The following ST8SIA1 variants were observed in gnomAD, a reference collection of about 807,000 sequenced individuals.
The protein encoded by ST8SIA1 is alpha-N-acetylneuraminide alpha-2,8-sialyltransferase.
ST8SIA1 carries 16 observed loss-of-function variants against 35.9 expected under a neutral mutation model. That is an observed-to-expected ratio of 0.45 (90% CI 0.30 to 0.68). The LOEUF (loss-of-function observed/expected upper bound fraction) is 0.68, where lower values mean the gene tolerates loss of function less well. Ranked by LOEUF, ST8SIA1 falls within the 30% of genes least tolerant of loss-of-function variation. The pLI is 0.09. For synonymous variants in ST8SIA1, 170 were observed against 169.6 expected (o/e 1.00, Z -0.02); for missense variants, 383 against 453.6 (o/e 0.84, Z 1.41).
chr12:22,269,724 A>C (rs1865889547), intron 2 of ST8SIA1, among the ~76,000 whole-genome samples: 1 of 152,204 alleles, frequency 6.6e-6, no homozygotes, highest in South Asian at 2.1e-4. Context: ...TTATATGGAC[A>C]ATAAAGTTTG....
At chr12:22,230,019 A>G (rs1865400107) in intron 4 of ST8SIA1, among the ~76,000 whole-genome samples, 1 of 152,224 alleles carries the variant, frequency 6.6e-6, no homozygotes, top group East Asian at 1.9e-4. Flanking sequence ...GAGATCAAGT[A>G]ATGTAAGTAC....
rs552198870 is a variant in ST8SIA1, at chr12:22,199,326, A to G, written c.*2226T>C. On this transcript the variant is annotated 3_prime_UTR_variant, in exon 5 of 5. Coordinates refer to ENST00000396037, the MANE Select transcript of ST8SIA1 (RefSeq NM_003034.4). ...GGGCTCTATGGAGCTCATTAATTACATTTTAACAATTAAAGTACTAATCTG... is the reference window on the plus strand; with the variant it reads ...GGGCTCTATGGAGCTCATTAATTACGTTTTAACAATTAAAGTACTAATCTG... 2.6e-5 allele frequency: 4 copies of G among 151,190 alleles called. No individual in the cohort carries two copies. The South Asian group carries it at 8.4e-4, about 32-fold the overall frequency. The allele number at this position is 151,190 out of a possible 1,614,324, so 9.4% of individuals were successfully genotyped here. A position where few individuals can be genotyped will look rare whatever the true frequency, so the allele number is the denominator to read the frequency against.
chr12:22,290,533 G>T (rs1866161556), intron 1 of ST8SIA1, among the ~76,000 whole-genome samples: 2 of 151,128 alleles, frequency 1.3e-5, no homozygotes, highest in African/African-American at 4.9e-5. Context: ...CAAGAAAAGG[G>T]GCACCAACAA....
At chr12:22,238,641 T>TA (rs565830778) in intron 4 of ST8SIA1, among the ~76,000 whole-genome samples, 25 of 152,172 alleles carry the variant, frequency 1.6e-4, no homozygotes, top group Non-Finnish European at 1.8e-4. Flanking sequence ...CACTAAGAAG[T>TA]AAAAAACTGA....
At chr12:22,297,946 A>C (rs1328137867) in intron 1 of ST8SIA1, among the ~76,000 whole-genome samples, 5 of 152,128 alleles carry the variant, frequency 3.3e-5, no homozygotes, top group Admixed American at 6.6e-5. Context: ...CATTCCCCAA[A>C]CTGTGGGGAG....
intron 1 of ST8SIA1, chr12:22,324,878 AT>A (rs1339119145): frequency 7.2e-5 from 11 of 152,138 alleles, no homozygotes; most frequent in Non-Finnish European, 1.5e-4. Flanking sequence ...TTTTTCCAAA[AT>A]AAAAAATTAT....
rs968561134 is a variant in ST8SIA1, at chr12:22,199,911, T to A, written c.*1641A>T. 1 of 152,210 alleles carries A rather than the reference T, an allele frequency of 6.6e-6. No homozygotes were observed. Among genetic ancestry groups the A allele is most frequent in the Non-Finnish European group, 1.5e-5 (1 of 68,028 alleles). The allele number at this position is 152,210 out of a possible 1,614,324, so 9.4% of individuals were successfully genotyped here. A position where few individuals can be genotyped will look rare whatever the true frequency, so the allele number is the denominator to read the frequency against. On this transcript the variant is annotated 3_prime_UTR_variant, in exon 5 of 5. Transcript: ENST00000396037. Reference sequence around the variant, plus strand: ...TTGAACTCTAGTGTCACATTTTAGCTTAAGACATTCCAAAGTATGAAGACA... The same window carrying A: ...TTGAACTCTAGTGTCACATTTTAGCATAAGACATTCCAAAGTATGAAGACA...
At chr12:22,297,524 T>C (rs1158922976) in intron 1 of ST8SIA1, among the ~76,000 whole-genome samples, 1 of 152,104 alleles carries the variant, frequency 6.6e-6, no homozygotes, top group African/African-American at 2.4e-5. Context: ...TTTCACAGAA[T>C]GGAATTCCGT....
chr12:22,310,781 A>C (rs547302435), intron 1 of ST8SIA1, among the ~76,000 whole-genome samples: 2 of 152,168 alleles, frequency 1.3e-5, no homozygotes, highest in Non-Finnish European at 2.9e-5. Flanking sequence ...TTTTCCCATA[A>C]AAATAAATAA....
intron 1 of ST8SIA1, among the ~76,000 whole-genome samples, chr12:22,329,787 G>A (rs1229692579): frequency 6.6e-6 from 1 of 152,140 alleles, no homozygotes; most frequent in African/African-American, 2.4e-5. Context: ...GAAAGGACTT[G>A]ACTGCTTAGA....
chr12:22,263,742 T>C (rs1865817224), intron 2 of ST8SIA1, among the ~76,000 whole-genome samples: 1 of 152,216 alleles, frequency 6.6e-6, no homozygotes, highest in Admixed American at 6.5e-5. Context: ...CATGTAATTG[T>C]GTTTTAAAGC....
intron 2 of ST8SIA1, among the ~76,000 whole-genome samples, chr12:22,282,460 T>G (rs2012722): frequency 0.59 from 89,251 of 152,064 alleles, 27,679 homozygotes; most frequent in African/African-American, 0.78. Flanking sequence ...ATGTGACTCA[T>G]TCCTGATTAA....
At chr12:22,285,351 G>A (rs1017203480) in intron 2 of ST8SIA1, among the ~76,000 whole-genome samples, 2 of 152,076 alleles carry the variant, frequency 1.3e-5, no homozygotes, top group African/African-American at 4.8e-5. Flanking sequence ...AGTAATTCTA[G>A]GAACCACCCT....
At chr12:22,245,803 A>G (rs1204130780) in intron 4 of ST8SIA1, among the ~76,000 whole-genome samples, 1 of 152,202 alleles carries the variant, frequency 6.6e-6, no homozygotes, top group Middle Eastern at 3.2e-3. Flanking sequence ...GAAAAGGGTT[A>G]CAGGTTAAGT....
At chr12:22,286,972 A>G (rs1382306803) in intron 2 of ST8SIA1, among the ~76,000 whole-genome samples, 177 bp downstream of exon 2, 3 of 152,246 alleles carry the variant, frequency 2.0e-5, no homozygotes, top group African/African-American at 7.2e-5. Context: ...CCACCCTTGC[A>G]TCAAAACACT....
At chr12:22,227,241 A>C (rs1865369711) in intron 4 of ST8SIA1, among the ~76,000 whole-genome samples, 1 of 151,504 alleles carries the variant, frequency 6.6e-6, no homozygotes. Flanking sequence ...ACCACACCTG[A>C]CCTTTCCTCT....
chr12:22,300,551 G>T (rs921381464), intron 1 of ST8SIA1, among the ~76,000 whole-genome samples: 7 of 152,140 alleles, frequency 4.6e-5, no homozygotes, highest in African/African-American at 1.7e-4. Flanking sequence ...TCATGGTCAA[G>T]ATTACAATTT....
Position 22,212,231 on chromosome 12 carries a change from T to C in ST8SIA1, c.585-10193A>G, listed in dbSNP as rs1268333851. 2.0e-5 allele frequency among the ~76,000 whole-genome samples: 3 copies of C among 152,236 alleles called. No homozygotes were observed. The East Asian group carries it at 5.8e-4, about 29-fold the overall frequency. On this transcript the variant is annotated intron_variant, in intron 4 of 4. Coordinates refer to ENST00000396037, the MANE Select transcript of ST8SIA1 (RefSeq NM_003034.4). ...TTTGTTCTACTTTTTCTCTGTATAA[T>C]AACTTTAATTTGAACACTTCCTTTA...
In ST8SIA1 at chr12:22,277,523, C is replaced by T. The variant is rs529432495; in HGVS notation, c.381+9626G>A. ...CAGGGATTACAGGTGCCTGCCACTACGCCCAGCTAATTTTTGTATTTTTAG... is the reference window on the plus strand; with the variant it reads ...CAGGGATTACAGGTGCCTGCCACTATGCCCAGCTAATTTTTGTATTTTTAG... On this transcript the variant is annotated intron_variant, in intron 2 of 4. Transcript: ENST00000396037. Among the ~76,000 whole-genome samples the T allele has an allele frequency of 2.1e-4, 32 of 152,020 alleles. No individual in the cohort carries two copies. The South Asian group carries it at 4.2e-3, about 20-fold the overall frequency.
Sources: allele counts gnomAD v4.1 joint callset (sites outside exome capture counted in the v4.1 genomes callset), GRCh38; gene constraint gnomAD v4.1.1; transcripts MANE v1.5; gene names NCBI Gene and HGNC (gene_info 2026-07-23, HGNC 2026-07-21).